The following TIAL1 variants were observed in gnomAD, a reference collection of about 807,000 sequenced individuals.
The protein encoded by TIAL1 is TIA1 cytotoxic granule associated RNA binding protein like 1, also known as nucleolysin TIAR.
TIAL1 carries 7 observed loss-of-function variants against 59.7 expected under a neutral mutation model. That is an observed-to-expected ratio of 0.12 (90% CI 0.07 to 0.22). TIAL1 has a LOEUF of 0.22. Ranked by LOEUF, TIAL1 falls within the 10% of genes least tolerant of loss-of-function variation. The pLI is 1.00. For missense variants in TIAL1, 225 were observed against 462.5 expected (o/e 0.49, Z 4.71); for synonymous variants, 149 against 146.3 (o/e 1.02, Z -0.13).
rs1844830168 is a variant in TIAL1, at chr10:119,573,984, A to G, written c.*1681T>C. On this transcript the variant is annotated 3_prime_UTR_variant, in exon 12 of 12. Transcript: ENST00000436547. ...AAATCATTATTTTAAAGCTAATCGT[A>G]AAACTTCAAATGTTTAGAAAACAGT... 2.0e-5 allele frequency: 3 copies of G among 152,636 alleles called. No individual in the cohort carries two copies. Among genetic ancestry groups the G allele is most frequent in the Non-Finnish European group, 4.4e-5 (3 of 68,050 alleles). 9.5% of individuals were successfully genotyped at this position (152,636 alleles called of 1,614,324 possible).
Position 119,596,806 on chromosome 10 carries a change from C to T in TIAL1, c.-341G>A. 2.7e-6 allele frequency: 1 copy of T among 366,200 alleles called. No homozygotes were observed. Among genetic ancestry groups the T allele is most frequent in the South Asian group, 3.0e-5 (1 of 33,226 alleles). The allele number at this position is 366,200 out of a possible 1,614,324, so 22.7% of individuals were successfully genotyped here. A position where few individuals can be genotyped will look rare whatever the true frequency, so the allele number is the denominator to read the frequency against. On this transcript the variant is annotated 5_prime_UTR_variant, in exon 1 of 12. Transcript: ENST00000436547. The stretch of plus-strand genomic sequence containing the variant: ...AGAGAAAAAAGGGCCGCCGAGGAAA[C>T]CCTGGGACCCGCTCACGACGGATCA...
Position 119,575,210 on chromosome 10 carries a change from T to C in TIAL1, c.*455A>G, listed in dbSNP as rs988710610. On this transcript the variant is annotated 3_prime_UTR_variant, in exon 12 of 12. Coordinates refer to ENST00000436547, the MANE Select transcript of TIAL1 (RefSeq NM_003252.4). Reference sequence around the variant, plus strand: ...TTTTCTCTGCTGACTTCAAATGTGGTCCACCTCAGGGAAGGGGAGGGGAGT... The same window carrying C: ...TTTTCTCTGCTGACTTCAAATGTGGCCCACCTCAGGGAAGGGGAGGGGAGT... 2 of 154,738 alleles carry C rather than the reference T, an allele frequency of 1.3e-5. No individual in the cohort carries two copies. The highest frequency in any genetic ancestry group is 4.8e-5 in the African/African-American group (2 of 41,460). 9.6% of individuals were successfully genotyped at this position (154,738 alleles called of 1,614,324 possible).
chr10:119,580,092 T>A (rs780290704), intron 5 of TIAL1, 82 bp from the exon 6 acceptor site: 12 of 1,119,154 alleles, frequency 1.1e-5, no homozygotes, highest in Non-Finnish European at 1.5e-5. Context: ...CACACTGTAT[T>A]GTGAGCATTT....
chr10:119,577,103 C>A lies in TIAL1; in HGVS notation c.838G>T (p.Asp280Tyr), dbSNP rs1845032331. 6.2e-7 allele frequency: 1 copy of A among 1,613,632 alleles called. No homozygotes were observed. The highest frequency in any genetic ancestry group is 1.3e-5 in the African/African-American group (1 of 74,922). Residue 280 changes from aspartate to tyrosine, a missense_variant, in exon 10 of 12, where the codon GAT (aspartate) becomes TAT (tyrosine). By Grantham distance (160) the Asp-to-Tyr change is radical. Transcript: ENST00000436547. Reference protein sequence around the residue: ...VKCYWGKESPDMTKNFQQVDY... With the variant: ...VKCYWGKESPYMTKNFQQVDY... ...ACCTGTTGGAAGTTTTTAGTCATAT[C>A]AGGAGATTCTTTACCCCAATAGCAT... is the stretch of plus-strand genomic sequence containing the variant.
At chr10:119,583,271 A>G (rs1257741908) in intron 2 of TIAL1, among the ~76,000 whole-genome samples, 1 of 152,200 alleles carries the variant, frequency 6.6e-6, no homozygotes, top group African/African-American at 2.4e-5. Flanking sequence ...GGTTCTGAAA[A>G]TGTATCTGAA....
rs1845332518 is a variant in TIAL1, at chr10:119,582,080, G to A, written c.284-71C>T. On this transcript the variant is annotated intron_variant, in intron 4 of 11. Transcript: ENST00000436547. This position sits in a 1 kb window ranked among gnomAD's most constrained non-coding sequence, Gnocchi z 5.1. ...CTAAAACCTTTTTAAGGCAACTCTA[G>A]AGGAGGAAAAAAAAACCTATTTAAG... 4 of 1,594,098 alleles carry A rather than the reference G, an allele frequency of 2.5e-6. No individual in the cohort carries two copies. The highest frequency in any genetic ancestry group is 1.8e-5 in the Admixed American group (1 of 57,128).
rs148353352 is a variant in TIAL1 at position 119,582,462 on chromosome 10, T to C, written c.225A>G (p.Gly75=). ...TGCCATCATCCTATTATCTTACCTTTCCCAAAATTTTTCTCCCATTCATAG... is the reference window on the plus strand; with the variant it reads ...TGCCATCATCCTATTATCTTACCTTCCCCAAAATTTTTCTCCCATTCATAG... The part of the protein sequence containing the change: ...LAAMNGRKIL[G]KEVKVNWATT... The change falls in exon 3 of 12, where the codon GGA becomes GGG. Residue 75 remains glycine, a synonymous_variant. Coordinates refer to ENST00000436547, the MANE Select transcript of TIAL1 (RefSeq NM_003252.4). This position sits in a 1 kb window ranked among gnomAD's most constrained non-coding sequence, Gnocchi z 5.1. The C allele has an allele frequency of 2.4e-5, 38 of 1,597,364 alleles. No homozygotes were observed. In the African/African-American group the frequency reaches 3.7e-4, roughly 15 times the overall value.
intron 5 of TIAL1, among the ~76,000 whole-genome samples, chr10:119,581,326 C>A (rs2133969260): frequency 6.6e-6 from 1 of 152,020 alleles, no homozygotes; most frequent in East Asian, 1.9e-4. Context: ...CTAGTAGAAT[C>A]AAATATCACT....
intron 1 of TIAL1, among the ~76,000 whole-genome samples, chr10:119,592,763 TCACACACACA>T (rs55740460): frequency 1.3e-5 from 2 of 149,858 alleles, no homozygotes; most frequent in East Asian, 2.0e-4. Context: ...TGAGATATTC[TCACACACACA>T]CACACACACA....
intron 1 of TIAL1, among the ~76,000 whole-genome samples, chr10:119,595,977 T>C (rs1376154719): frequency 1.3e-5 from 2 of 151,436 alleles, no homozygotes; most frequent in African/African-American, 4.9e-5. Context: ...CGACTCGAGC[T>C]GAGGACGTGG....
At chr10:119,581,611 A>AT (rs1277318484) in intron 5 of TIAL1, 1 of 212,752 alleles carries the variant, frequency 4.7e-6, no homozygotes, top group African/African-American at 2.3e-5. Flanking sequence ...TTGAAAACAT[A>AT]TGACAAAAAG....
chr10:119,580,412 A>C, intron 5 of TIAL1: 1 of 735,416 alleles, frequency 1.4e-6, no homozygotes, highest in Non-Finnish European at 1.7e-6. Context: ...AGTGATACAA[A>C]ATATATGAAA....
chr10:119,588,305 T>A, intron 1 of TIAL1, 57 bp from the exon 2 acceptor site: 1 of 976,370 alleles, frequency 1.0e-6, no homozygotes, highest in Non-Finnish European at 1.5e-6. Context: ...GGCTCTAATG[T>A]GTTATCATCT....
intron 1 of TIAL1, among the ~76,000 whole-genome samples, chr10:119,592,824 T>C (rs1422326241): frequency 6.6e-6 from 1 of 151,998 alleles, no homozygotes; most frequent in Admixed American, 6.6e-5. Flanking sequence ...AAACAAAGAA[T>C]ATGATTAAGT....
chr10:119,583,028 A>C (rs1214427795), intron 2 of TIAL1, among the ~76,000 whole-genome samples: 1 of 152,194 alleles, frequency 6.6e-6, no homozygotes. Flanking sequence ...GATCAAAATT[A>C]GGATCAATAC....
rs1194852253 is a variant in TIAL1 at position 119,575,310 on chromosome 10, C to T, written c.*355G>A. On this transcript the variant is annotated 3_prime_UTR_variant, in exon 12 of 12. Coordinates refer to ENST00000436547, the MANE Select transcript of TIAL1 (RefSeq NM_003252.4). Reference sequence around the variant, plus strand: ...TCCCTTTTTTGCTCTTTTAAAAACACAGTGAGTTAAAATACTGAACAGCAA... The same window carrying T: ...TCCCTTTTTTGCTCTTTTAAAAACATAGTGAGTTAAAATACTGAACAGCAA... The T allele has an allele frequency of 5.5e-6, 1 of 182,776 alleles. No homozygotes were observed. The highest frequency in any genetic ancestry group is 1.2e-5 in the Non-Finnish European group (1 of 86,830). The allele number at this position is 182,776 out of a possible 1,614,324, so 11.3% of individuals were successfully genotyped here. A position where few individuals can be genotyped will look rare whatever the true frequency, so the allele number is the denominator to read the frequency against.
intron 1 of TIAL1, among the ~76,000 whole-genome samples, chr10:119,593,093 T>C (rs1197380334): frequency 6.6e-6 from 1 of 152,234 alleles, no homozygotes; most frequent in Non-Finnish European, 1.5e-5. Context: ...AATAAAACAC[T>C]ATTACAATTT....
rs1424856505 is a variant in TIAL1 at position 119,575,423 on chromosome 10, G to A, written c.*242C>T. On this transcript the variant is annotated 3_prime_UTR_variant, in exon 12 of 12. Transcript: ENST00000436547. ...ATTTGTAGTCAGAATTGTCTTTATTGACTTTATTTTAGTTTTTGTACATAA... is the reference window on the plus strand; with the variant it reads ...ATTTGTAGTCAGAATTGTCTTTATTAACTTTATTTTAGTTTTTGTACATAA... 2.8e-6 allele frequency: 1 copy of A among 354,912 alleles called. No individual in the cohort carries two copies. Among genetic ancestry groups the A allele is most frequent in the Non-Finnish European group, 5.1e-6 (1 of 197,148 alleles). The allele number at this position is 354,912 out of a possible 1,614,324, so 22.0% of individuals were successfully genotyped here.
Position 119,578,711 on chromosome 10 carries a change from G to A in TIAL1, c.556+15C>T. The A allele has an allele frequency of 6.3e-7, 1 of 1,577,318 alleles. No individual in the cohort carries two copies. Among genetic ancestry groups the A allele is most frequent in the Non-Finnish European group, 8.7e-7 (1 of 1,146,424 alleles). ...GAAGAATATAATTTTAACACACACA[G>A]TGGACATATCTTACTTTCTTGTGTA... On this transcript the variant is annotated intron_variant, in intron 7 of 11. Transcript: ENST00000436547.
Sources: gnomAD v4.1 joint callset for allele counts (sites outside exome capture counted in the v4.1 genomes callset) on GRCh38, gnomAD v4.1.1 for gene constraint, Gnocchi (gnomAD v3.1) non-coding constraint, MANE v1.5 for transcripts, NCBI Gene and HGNC (gene_info 2026-07-23, HGNC 2026-07-21) for gene names.